ACOX3: variants seen among roughly 807,000 people sequenced by gnomAD.
ACOX3 encodes acyl-CoA oxidase 3, pristanoyl, also known as peroxisomal acyl-coenzyme A oxidase 3.
A neutral mutation model predicts 81.5 loss-of-function variants in ACOX3; 73 were observed. The ratio of observed to expected loss-of-function variants is 0.90; its 90% confidence interval spans 0.74 to 1.09. The LOEUF is 1.09. ACOX3 is among the 50% of genes least tolerant of loss of function. The pLI is 0.00. For synonymous variants in ACOX3, 387 were observed against 375.1 expected, an observed-to-expected ratio of 1.03 and a Z score of -0.37; for missense variants, 947 against 928.0, an observed-to-expected ratio of 1.02 and a Z score of -0.27.
At position 8,389,703 on chromosome 4, in the gene ACOX3, G is replaced by T; in HGVS notation, c.1332C>A (p.Asn444Lys). The change falls in exon 12 of 18, where the codon AAC (asparagine) becomes AAA (lysine). Residue 444 changes from asparagine (N) to lysine (K), a missense_variant. Physicochemically the swap from Asn to Lys is moderately conservative, Grantham distance 94 (BLOSUM62 0). Coordinates refer to ENST00000356406, the MANE Select transcript of ACOX3 (RefSeq NM_003501.3). The surrounding 1 kb of genome is among the most constrained non-coding windows in gnomAD (Gnocchi z 5.3). ...MNRLGVLRDD[N>K]DPNCTYEGDN... ...CACCTTCGTATGTGCAGTTGGGATC[G>T]TTGTCATCTCTAAGGACACCCAACC... 6.2e-7 allele frequency: 1 copy of T among 1,614,006 alleles called. No individual in the cohort carries two copies. Among genetic ancestry groups the T allele is most frequent in the Non-Finnish European group, 8.5e-7 (1 of 1,179,960 alleles).
At chr4:8,388,858 G>A (rs1718618762) in intron 13 of ACOX3, among the ~76,000 whole-genome samples, 1 of 152,200 alleles carries the variant, frequency 6.6e-6, no homozygotes. Flanking sequence ...GGGGGCAGAG[G>A]CTGCTTAGTG....
chr4:8,416,449 G>C lies in ACOX3; in HGVS notation c.73C>G (p.Arg25Gly), dbSNP rs1008690832. ...TTCCAGCTGAAGGACGCTCTTGCTCGGTAGGCATCGAGGGGCCCCCTGGGG... is the reference window on the plus strand; with the variant it reads ...TTCCAGCTGAAGGACGCTCTTGCTCCGTAGGCATCGAGGGGCCCCCTGGGG... ...EFPRGPLDAY[R>G]ARASFSWKEL... is the part of the protein sequence containing the mutation. Residue 25 changes from arginine to glycine, a missense_variant, in exon 2 of 18, where the codon CGA becomes GGA. Transcript: ENST00000356406. The surrounding 1 kb of genome is among the most constrained non-coding windows in gnomAD (Gnocchi z 4.2). 6.2e-7 allele frequency: 1 copy of C among 1,614,142 alleles called. No individual in the cohort carries two copies. The highest frequency in any genetic ancestry group is 8.5e-7 in the Non-Finnish European group (1 of 1,180,018).
rs779401309 is a variant in ACOX3 at position 8,373,584 on chromosome 4, C to T, written c.1873G>A (p.Ala625Thr). The change falls in exon 16 of 18, where the codon GCC (alanine) becomes ACC (threonine). Residue 625 changes from alanine (A) to threonine (T), a missense_variant. Ala to Thr is a moderately conservative substitution (Grantham distance 58). Coordinates refer to ENST00000356406, the MANE Select transcript of ACOX3 (RefSeq NM_003501.3). Reference sequence around the variant, plus strand: ...ACCTGGGAACACAAAGCCAGGACGGCGCTCTCCAACACTTCTCCCGCCTGC... The same window carrying T: ...ACCTGGGAACACAAAGCCAGGACGGTGCTCTCCAACACTTCTCCCGCCTGC... ...GEQAGEVLES[A>T]VLALCSQLKD... is the part of the protein sequence containing the mutation. 2.0e-5 allele frequency: 33 copies of T among 1,613,576 alleles called. No homozygotes were observed. The highest frequency in any genetic ancestry group is 4.4e-5 in the South Asian group (4 of 91,008).
Position 8,406,704 on chromosome 4 carries a change from G to C in ACOX3, c.688-661C>G, listed in dbSNP as rs1232356526. On this transcript the variant is annotated intron_variant, in intron 6 of 17. Coordinates refer to ENST00000356406, the MANE Select transcript of ACOX3 (RefSeq NM_003501.3). The surrounding 1 kb of genome is among the most constrained non-coding windows in gnomAD (Gnocchi z 5.6). Reference sequence around the variant, plus strand: ...GCCTGGCAGCTGAGGCAGAGAGAGAGAGAGGAGACAGAGAGAAAGACAGCT... The same window carrying C: ...GCCTGGCAGCTGAGGCAGAGAGAGACAGAGGAGACAGAGAGAAAGACAGCT... Among the ~76,000 whole-genome samples the C allele has an allele frequency of 6.6e-6, 1 of 152,064 alleles. No individual in the cohort carries two copies. The highest frequency in any genetic ancestry group is 1.9e-4 in the East Asian group (1 of 5,172).
intron 1 of ACOX3, among the ~76,000 whole-genome samples, chr4:8,426,653 T>C (rs1723517728): frequency 6.6e-6 from 1 of 152,050 alleles, no homozygotes; most frequent in East Asian, 1.9e-4. Context: ...CCCCATTGTA[T>C]AGGAGTTTTT....
At position 8,394,999 on chromosome 4, in the gene ACOX3, C is replaced by G. The variant is rs1006553461; in HGVS notation, c.1057-257G>C. 6 of 367,638 alleles carry G rather than the reference C, an allele frequency of 1.6e-5. 1 individual carries two copies. In the South Asian group the frequency reaches 1.7e-4, roughly 10 times the overall value. The allele number at this position is 367,638 out of a possible 1,614,324, so 22.8% of individuals were successfully genotyped here. A position where few individuals can be genotyped will look rare whatever the true frequency, so the allele number is the denominator to read the frequency against. The stretch of plus-strand genomic sequence containing the variant: ...TTCGCTAAATGGCCGCTATTCACAG[C>G]TGTCCCATCAAAGTCACTACAGAAC... On this transcript the variant is annotated intron_variant, in intron 9 of 17. Transcript: ENST00000356406. The surrounding 1 kb of genome is among the most constrained non-coding windows in gnomAD (Gnocchi z 5.9).
chr4:8,376,896 C>T (rs77869388), intron 14 of ACOX3, among the ~76,000 whole-genome samples: 11 of 152,124 alleles, frequency 7.2e-5, no homozygotes, highest in Non-Finnish European at 1.3e-4. Context: ...AGAGCCCTGC[C>T]GAGTGAGGTG....
rs1718689282 is a variant in ACOX3 at position 8,389,354 on chromosome 4, G to A, written c.1424-68C>T. The A allele has an allele frequency of 6.7e-7, 1 of 1,491,466 alleles. No individual in the cohort carries two copies. Among genetic ancestry groups the A allele is most frequent in the Non-Finnish European group, 9.2e-7 (1 of 1,089,916 alleles). 92.4% of individuals were successfully genotyped at this position (1,491,466 alleles called of 1,614,324 possible). On this transcript the variant is annotated intron_variant, in intron 12 of 17. Coordinates refer to ENST00000356406, the MANE Select transcript of ACOX3 (RefSeq NM_003501.3). This position sits in a 1 kb window ranked among gnomAD's most constrained non-coding sequence, Gnocchi z 5.3. ...CAAACCATTGGGAACCCCAAGCTGGGGGCACCCCAAAGCACAGAGAGTGTC... is the reference window on the plus strand; with the variant it reads ...CAAACCATTGGGAACCCCAAGCTGGAGGCACCCCAAAGCACAGAGAGTGTC...
Position 8,396,922 on chromosome 4 carries a change from T to C in ACOX3, c.1056+15A>G. On this transcript the variant is annotated intron_variant, in intron 9 of 17. Transcript: ENST00000356406. ...AAATAGAGAGACAGTGAAAGGATGCTTGAAAACCTCATACCTGCATTGGAT... is the reference window on the plus strand; with the variant it reads ...AAATAGAGAGACAGTGAAAGGATGCCTGAAAACCTCATACCTGCATTGGAT... The C allele has an allele frequency of 1.2e-6, 2 of 1,606,376 alleles. No homozygotes were observed. The highest frequency in any genetic ancestry group is 1.7e-6 in the Non-Finnish European group (2 of 1,177,098).
rs116282115 is a variant in ACOX3 at position 8,416,324 on chromosome 4, G to A, written c.144+54C>T. On this transcript the variant is annotated intron_variant, in intron 2 of 17. Transcript: ENST00000356406. This position sits in a 1 kb window ranked among gnomAD's most constrained non-coding sequence, Gnocchi z 4.2. Reference sequence around the variant, plus strand: ...GAGCCAGAAATCCCATTCTGCTAACGAACTAAGACCCCACTGGGAAAAAAG... The same window carrying A: ...GAGCCAGAAATCCCATTCTGCTAACAAACTAAGACCCCACTGGGAAAAAAG... The A allele has an allele frequency of 1.0e-3, 1,632 of 1,612,838 alleles. 21 individuals carry two copies. In the African/African-American group the frequency reaches 0.02, roughly 19 times the overall value.
chr4:8,380,266 T>C (rs1018376646), intron 14 of ACOX3, among the ~76,000 whole-genome samples: 1 of 150,584 alleles, frequency 6.6e-6, no homozygotes, highest in African/African-American at 2.5e-5. Flanking sequence ...CTCGGCTCTC[T>C]GCAACCTCCA....
chr4:8,356,108 T>A, the ACOX3 span: 129,711 of 220,986 alleles, frequency 0.59, 38,714 homozygotes, highest in African/African-American at 0.68. Flanking sequence ...AGACTTACCA[T>A]GTGCTGTCTG....
At chr4:8,402,589 C>T (rs969524583) in intron 7 of ACOX3, among the ~76,000 whole-genome samples, 3 of 152,198 alleles carry the variant, frequency 2.0e-5, no homozygotes, top group African/African-American at 4.8e-5. Context: ...CCGTGAGTTT[C>T]AAAGGAAAGC....
chr4:8,357,464 A>G, the ACOX3 span: 22 of 344,182 alleles, frequency 6.4e-5, no homozygotes, highest in Non-Finnish European at 1.2e-4. Context: ...GTTATAAGTG[A>G]TATCTATTTT....
intron 15 of ACOX3, 54 bp downstream of exon 15, chr4:8,374,924 A>G (rs1463969505): frequency 2.8e-6 from 4 of 1,451,262 alleles, no homozygotes; most frequent in Non-Finnish European, 3.6e-6. Flanking sequence ...CCTAGATACA[A>G]CACGGGGGCC....
intron 1 of ACOX3, among the ~76,000 whole-genome samples, chr4:8,425,473 G>C (rs1047629589): frequency 6.6e-6 from 1 of 151,512 alleles, no homozygotes; most frequent in African/African-American, 2.4e-5. Flanking sequence ...CTTTCACTTA[G>C]GCATTGATAG....
At chr4:8,388,470 G>A (rs1436228423) in intron 13 of ACOX3, among the ~76,000 whole-genome samples, 4 of 152,272 alleles carry the variant, frequency 2.6e-5, no homozygotes, top group Non-Finnish European at 4.4e-5. Context: ...ATCCAGCGCA[G>A]TCTACAGGGA....
Position 8,416,284 on chromosome 4 carries a change from G to T in ACOX3, c.144+94C>A. ...TGCCTGGGATGAGCCTCGCCCGGCA[G>T]AGGAGGAGCTGTGAGAGCCAGAAAT... On this transcript the variant is annotated intron_variant, in intron 2 of 17. Transcript: ENST00000356406. This position sits in a 1 kb window ranked among gnomAD's most constrained non-coding sequence, Gnocchi z 4.2. 6.2e-7 allele frequency: 1 copy of T among 1,603,152 alleles called. No individual in the cohort carries two copies. The highest frequency in any genetic ancestry group is 8.5e-7 in the Non-Finnish European group (1 of 1,172,992).
rs77275061 is a variant in ACOX3 at position 8,410,597 on chromosome 4, C to A, written c.544-242G>T. Among the ~76,000 whole-genome samples, 642 of 152,304 alleles carry A rather than the reference C, an allele frequency of 4.2e-3. 5 individuals are homozygous for A. The highest frequency in any genetic ancestry group is 0.015 in the African/African-American group (626 of 41,560). On this transcript the variant is annotated intron_variant, in intron 5 of 17. Coordinates refer to ENST00000356406, the MANE Select transcript of ACOX3 (RefSeq NM_003501.3). The stretch of plus-strand genomic sequence containing the variant: ...AAAATACTCCGCAGGCTGGCAAACG[C>A]TTCCAGGGAGTTTTCATTATCATAT...
Sources: gnomAD v4.1 joint callset for allele counts (sites outside exome capture counted in the v4.1 genomes callset) on GRCh38, gnomAD v4.1.1 for gene constraint, Gnocchi (gnomAD v3.1) non-coding constraint, MANE v1.5 for transcripts, NCBI Gene and HGNC (gene_info 2026-07-23, HGNC 2026-07-21) for gene names.